Variants in RASL12 observed in about 807,000 individuals in gnomAD.
The protein encoded by RASL12 is ras-like protein family member 12.
Under a neutral mutation model 22.9 loss-of-function variants are expected in RASL12, and 16 were observed. The ratio of observed to expected loss-of-function variants is 0.70; its 90% CI spans 0.47 to 1.06. The LOEUF (loss-of-function observed/expected upper bound fraction) is 1.06. Among genes scored for constraint, RASL12 ranks in the 50% least tolerant of loss-of-function variants. RASL12 has a pLI of 0.00. For missense variants in RASL12, 306 were observed against 353.1 expected (o/e 0.87, Z 1.07); for synonymous variants, 159 against 152.2 (o/e 1.04, Z -0.33).
rs1217973360 is a variant in RASL12 at position 65,054,017 on chromosome 15, G to A, written c.*882C>T. 1.0e-6 allele frequency: 1 copy of A among 985,806 alleles called. No individual in the cohort carries two copies. Among genetic ancestry groups the A allele is most frequent in the African/African-American group, 1.7e-5 (1 of 57,252 alleles). The allele number at this position is 985,806 out of a possible 1,614,324, so 61.1% of individuals were successfully genotyped here. A position where few individuals can be genotyped will look rare whatever the true frequency, so the allele number is the denominator to read the frequency against. On this transcript the variant is annotated 3_prime_UTR_variant, in exon 5 of 5. Coordinates refer to ENST00000220062, the MANE Select transcript of RASL12 (RefSeq NM_016563.4). ...ACCAGATGACAAACGGGTATACTGT[G>A]TTTCTACCTGCAGGGGGGCAGGCCC...
At chr15:65,061,804 C>G (rs2086808690) in intron 2 of RASL12, among the ~76,000 whole-genome samples, 2 of 151,946 alleles carry the variant, frequency 1.3e-5, no homozygotes, top group African/African-American at 2.4e-5. Context: ...AATCCCAGCA[C>G]TTTGGGAGGC....
downstream of RASL12, among the ~76,000 whole-genome samples, chr15:65,048,601 C>T (rs2086606312): frequency 6.6e-6 from 1 of 152,224 alleles, no homozygotes; most frequent in Non-Finnish European, 1.5e-5. Context: ...TATAATTGAT[C>T]TGTTCAAAAC....
chr15:65,059,282 C>T, intron 3 of RASL12, 63 bp downstream of exon 3: 2 of 1,445,488 alleles, frequency 1.4e-6, no homozygotes, highest in South Asian at 1.1e-5. Context: ...GCACTCTGGG[C>T]CAGGACTTCT....
chr15:65,067,234 C>G (rs1375048486), intron 1 of RASL12, among the ~76,000 whole-genome samples: 1 of 151,844 alleles, frequency 6.6e-6, no homozygotes, highest in African/African-American at 2.4e-5. Flanking sequence ...AGTCTTCCCC[C>G]AAGCCTAATC....
upstream of RASL12, chr15:65,068,142 C>G (rs1355434037): frequency 2.0e-6 from 2 of 1,015,836 alleles, no homozygotes; most frequent in African/African-American, 3.4e-5. The surrounding 1 kb of genome is among the most constrained non-coding windows in gnomAD (Gnocchi z 4.2). Context: ...GCCGCGCCCC[C>G]ACCGCCGGGC....
chr15:65,075,920 A>T (rs1261952631), intron 1 of RASL12, among the ~76,000 whole-genome samples: 56 of 141,114 alleles, frequency 4.0e-4, no homozygotes, highest in African/African-American at 1.4e-3. Flanking sequence ...CAGCACCCTG[A>T]GTTTAGTTCA....
downstream of RASL12, chr15:65,051,607 T>C: frequency 6.2e-7 from 1 of 1,612,762 alleles, no homozygotes; most frequent in Non-Finnish European, 8.5e-7. Flanking sequence ...GGCAAGCAGG[T>C]GAGGAGCTGG....
the RASL12 span, among the ~76,000 whole-genome samples, chr15:65,047,769 G>A: frequency 7.4e-5 from 11 of 148,864 alleles, no homozygotes; most frequent in Non-Finnish European, 1.6e-4. Flanking sequence ...TAGGCAGATA[G>A]ATAGATAGAC....
upstream of RASL12, among the ~76,000 whole-genome samples, chr15:65,070,082 T>C (rs543932836): frequency 6.6e-6 from 1 of 152,168 alleles, no homozygotes; most frequent in Non-Finnish European, 1.5e-5. Flanking sequence ...CTGGGCAACA[T>C]GGTGAAACCC....
rs1447993658 is a variant in RASL12 at position 65,055,048 on chromosome 15, T to C, written c.652A>G (p.Ser218Gly). ...APLTARHGLA[S>G]CTFNTLSTIN... The stretch of plus-strand genomic sequence containing the variant: ...GTGGAGAGCGTGTTGAAGGTGCAGC[T>C]GGCCAGCCCATGCCGCGCGGTGAGC... Residue 218 changes from serine to glycine, a missense_variant, in exon 5 of 5, where the codon AGC becomes GGC. Physicochemically the swap from Ser to Gly is moderately conservative, Grantham distance 56. Coordinates refer to ENST00000220062, the MANE Select transcript of RASL12 (RefSeq NM_016563.4). The C allele has an allele frequency of 6.2e-7, 1 of 1,613,578 alleles. No individual in the cohort carries two copies. Among genetic ancestry groups the C allele is most frequent in the African/African-American group, 1.3e-5 (1 of 74,932 alleles).
chr15:65,068,606 A>G (rs908686698), upstream of RASL12, among the ~76,000 whole-genome samples: 2 of 152,176 alleles, frequency 1.3e-5, no homozygotes, highest in African/African-American at 4.8e-5. The surrounding 1 kb of genome is among the most constrained non-coding windows in gnomAD (Gnocchi z 4.2). Context: ...CCCTAATGGG[A>G]GCTAATGAGT....
chr15:65,070,199 T>TA (rs2086921904), upstream of RASL12, among the ~76,000 whole-genome samples: 1 of 152,218 alleles, frequency 6.6e-6, no homozygotes, highest in South Asian at 2.1e-4. Context: ...GCCCAGGAGA[T>TA]GGAGGCTGCA....
intron 2 of RASL12, among the ~76,000 whole-genome samples, chr15:65,063,173 G>A (rs1438970630): frequency 6.6e-6 from 1 of 151,128 alleles, no homozygotes; most frequent in East Asian, 2.0e-4. Context: ...TGAGATGCCA[G>A]GAAAAATACA....
intron 1 of RASL12, chr15:65,076,498 G>T: frequency 1.5e-6 from 1 of 684,266 alleles, no homozygotes; most frequent in South Asian, 1.6e-5. Context: ...ACAGACTCCA[G>T]ACACGCTACC....
chr15:65,050,970 G>C (rs2086646436), downstream of RASL12, among the ~76,000 whole-genome samples: 1 of 150,820 alleles, frequency 6.6e-6, no homozygotes, highest in African/African-American at 2.4e-5. Context: ...TCAGTCTCCT[G>C]AGTAGCTGGG....
intron 1 of RASL12, 131 bp downstream of exon 1, chr15:65,067,602 T>G: frequency 1.8e-6 from 2 of 1,111,264 alleles, no homozygotes; most frequent in Non-Finnish European, 2.4e-6. Context: ...CACGGTGTCT[T>G]GTGCGACCCT....
rs1211051545 is a variant in RASL12 at position 65,053,917 on chromosome 15, A to T, written c.*982T>A. 2.0e-6 allele frequency: 2 copies of T among 985,764 alleles called. No individual in the cohort carries two copies. The highest frequency in any genetic ancestry group is 3.5e-5 in the African/African-American group (2 of 57,240). The allele number at this position is 985,764 out of a possible 1,614,324, so 61.1% of individuals were successfully genotyped here. A position where few individuals can be genotyped will look rare whatever the true frequency, so the allele number is the denominator to read the frequency against. ...AACATAAGCAAAATTTTGCTTTATT[A>T]ACCCAAAATGCTTTAGGTTCTAAAG... On this transcript the variant is annotated 3_prime_UTR_variant, in exon 5 of 5. Transcript: ENST00000220062.
chr15:65,052,453 T>G (rs1208744417), downstream of RASL12, among the ~76,000 whole-genome samples: 1 of 137,554 alleles, frequency 7.3e-6, no homozygotes, highest in Non-Finnish European at 1.5e-5. Context: ...CAGGATGGAG[T>G]GCAGTGGCAC....
At chr15:65,075,777 G>A (rs934067995) in intron 1 of RASL12, among the ~76,000 whole-genome samples, 1 of 151,962 alleles carries the variant, frequency 6.6e-6, no homozygotes, top group African/African-American at 2.4e-5. Flanking sequence ...CTCAGGGTTT[G>A]TGAGTGCACC....
Sources: gnomAD v4.1 joint callset for allele counts (sites outside exome capture counted in the v4.1 genomes callset) on GRCh38, gnomAD v4.1.1 for gene constraint, Gnocchi (gnomAD v3.1) non-coding constraint, MANE v1.5 for transcripts, NCBI Gene and HGNC (gene_info 2026-07-23, HGNC 2026-07-21) for gene names.